The following KIF3A variants were observed in gnomAD, a reference collection of about 807,000 sequenced individuals.
KIF3A encodes the protein kinesin-like protein KIF3A.
A neutral mutation model predicts 92.6 loss-of-function variants in KIF3A; 27 were observed. The observed-to-expected ratio is 0.29, with a 90% CI of 0.21 to 0.40. The LOEUF (loss-of-function observed/expected upper bound fraction) is 0.40, where lower values mean the gene tolerates loss of function less well. Among genes scored for constraint, KIF3A ranks in the 10% least tolerant of loss-of-function variants. The pLI, the probability that KIF3A is intolerant of heterozygous loss-of-function variation, is 1.00. For synonymous variants in KIF3A, 250 were observed against 275.4 expected (o/e 0.91, Z 0.92); for missense variants, 581 against 872.6 (o/e 0.67, Z 4.21).
chr5:132,729,529 TA>T (rs900892180), intron 2 of KIF3A, among the ~76,000 whole-genome samples: 3 of 150,602 alleles, frequency 2.0e-5, no homozygotes, highest in African/African-American at 7.3e-5. Flanking sequence ...TTAATAAATT[TA>T]AAAACATTCA....
Position 132,694,539 on chromosome 5 carries a change from T to A in KIF3A, c.*2095A>T, listed in dbSNP as rs1752770770. 1 of 152,390 alleles carries A rather than the reference T, an allele frequency of 6.6e-6. No homozygotes were observed. Among genetic ancestry groups the A allele is most frequent in the Non-Finnish European group, 1.5e-5 (1 of 68,050 alleles). The allele number at this position is 152,390 out of a possible 1,614,324, so 9.4% of individuals were successfully genotyped here. A position where few individuals can be genotyped will look rare whatever the true frequency, so the allele number is the denominator to read the frequency against. On this transcript the variant is annotated 3_prime_UTR_variant, in exon 19 of 19. Transcript: ENST00000403231. ...AATATCTAACATACTGGCTTAAATT[T>A]CCATGTTTTAAAGCTTGATTTAAAA...
intron 4 of KIF3A, chr5:132,723,814 T>G (rs1342394852): frequency 6.6e-6 from 1 of 152,114 alleles, no homozygotes; most frequent in Non-Finnish European, 1.5e-5. Context: ...CTAATTAAAC[T>G]AAAGAGCTTC....
In KIF3A at chr5:132,702,230, A is replaced by C; in HGVS notation, c.1759-18T>G. ...TCAGCCATCTACCAGAAAATCCATA[A>C]AAATATTATGAACAAACAAGACTTT... is the stretch of plus-strand genomic sequence containing the variant. On this transcript the variant is annotated intron_variant, in intron 14 of 18. Coordinates refer to ENST00000403231, the MANE Select transcript of KIF3A (RefSeq NM_001300791.2). 6.2e-7 allele frequency: 1 copy of C among 1,612,008 alleles called. No homozygotes were observed.
intron 2 of KIF3A, among the ~76,000 whole-genome samples, chr5:132,727,012 C>T (rs1219486360): frequency 6.6e-6 from 1 of 152,188 alleles, no homozygotes; most frequent in Non-Finnish European, 1.5e-5. Context: ...AGACAATTTC[C>T]TTCAAGTGAC....
chr5:132,696,343 C>A lies in KIF3A; in HGVS notation c.*291G>T. ...TAAATAGCTAATCGATTTACACATA[C>A]ATCTAAACTGTAACTCTCTATAGTA... On this transcript the variant is annotated 3_prime_UTR_variant, in exon 19 of 19. Transcript: ENST00000403231. 1 of 233,112 alleles carries A rather than the reference C, an allele frequency of 4.3e-6. No individual in the cohort carries two copies. 14.4% of individuals were successfully genotyped at this position (233,112 alleles called of 1,614,324 possible). A position where few individuals can be genotyped will look rare whatever the true frequency, so the allele number is the denominator to read the frequency against.
intron 2 of KIF3A, among the ~76,000 whole-genome samples, chr5:132,728,008 T>G (rs1370644498): frequency 6.6e-6 from 1 of 152,192 alleles, no homozygotes; most frequent in Non-Finnish European, 1.5e-5. Context: ...AAAAAAGTCT[T>G]AATTTTTTCA....
At chr5:132,723,933 G>T (rs1430603114) in intron 4 of KIF3A, among the ~76,000 whole-genome samples, 1 of 152,004 alleles carries the variant, frequency 6.6e-6, no homozygotes, top group Non-Finnish European at 1.5e-5. Context: ...AATCTACAAA[G>T]AACTCAAACA....
intron 18 of KIF3A, among the ~76,000 whole-genome samples, chr5:132,698,668 G>A (rs1255191371): frequency 6.6e-6 from 1 of 151,742 alleles, no homozygotes; most frequent in Non-Finnish European, 1.5e-5. Flanking sequence ...CTAAGAAGTT[G>A]GAAGACCTTA....
chr5:132,688,824 A>G (rs142555057), downstream of KIF3A: 81 of 152,356 alleles, frequency 5.3e-4, no homozygotes, highest in African/African-American at 1.5e-3. Context: ...GACTCTGAGA[A>G]ATACTTTATT....
intron 15 of KIF3A, among the ~76,000 whole-genome samples, chr5:132,700,986 T>C (rs1238434267): frequency 6.6e-6 from 1 of 152,120 alleles, no homozygotes; most frequent in African/African-American, 2.4e-5. Context: ...AAGGGGAAAC[T>C]GGTTAGAAGT....
At chr5:132,737,286 G>A (rs544130202) in intron 1 of KIF3A, 128 bp downstream of exon 1, 9 of 1,070,490 alleles carry the variant, frequency 8.4e-6, no homozygotes, top group South Asian at 5.5e-5. Context: ...CACCTCCACC[G>A]CACGACCGAG....
In KIF3A at chr5:132,696,519, G is replaced by T. The variant is rs1752842459; in HGVS notation, c.*115C>A. The T allele has an allele frequency of 2.9e-6, 2 of 684,960 alleles. No homozygotes were observed. Among genetic ancestry groups the T allele is most frequent in the African/African-American group, 1.8e-5 (1 of 55,812 alleles). The allele number at this position is 684,960 out of a possible 1,614,324, so 42.4% of individuals were successfully genotyped here. ...ATTATTATTTCCAGTCTTATTCATT[G>T]ATCTACAACTTCCATTAATTGAAAT... On this transcript the variant is annotated 3_prime_UTR_variant, in exon 19 of 19. Transcript: ENST00000403231.
intron 5 of KIF3A, among the ~76,000 whole-genome samples, chr5:132,718,441 C>G (rs1753709236): frequency 6.6e-6 from 1 of 152,088 alleles, no homozygotes; most frequent in Non-Finnish European, 1.5e-5. Context: ...TCCTGAGTAG[C>G]TGAGATCACA....
At position 132,726,456 on chromosome 5, in the gene KIF3A, A is replaced by T; in HGVS notation, c.323T>A (p.Phe108Tyr). 6.2e-7 allele frequency: 1 copy of T among 1,613,806 alleles called. No individual in the cohort carries two copies. The highest frequency in any genetic ancestry group is 1.1e-5 in the South Asian group (1 of 91,054). The change falls in exon 3 of 19, where the codon TTT becomes TAT. Residue 108 changes from phenylalanine (F) to tyrosine (Y), a missense_variant. Around this residue, in one of 5 missense-constraint regions of KIF3A, gnomAD observed 217 missense variants for 299.7 expected, o/e 0.72. Coordinates refer to ENST00000403231, the MANE Select transcript of KIF3A (RefSeq NM_001300791.2). ...AATAGCTCGAACACCTTCCATGGTA[A>T]AAGTTTTGCCTGTTCCGGTTTGTCC... ...AYGQTGTGKT[F>Y]TMEGVRAIPE...
intron 5 of KIF3A, among the ~76,000 whole-genome samples, chr5:132,717,647 A>T (rs1202213549): frequency 6.6e-6 from 1 of 152,210 alleles, no homozygotes; most frequent in Non-Finnish European, 1.5e-5. Flanking sequence ...AAAAAAAAAA[A>T]ATCCATTCAA....
At chr5:132,717,431 A>G (rs960011367) in intron 5 of KIF3A, among the ~76,000 whole-genome samples, 11 of 152,166 alleles carry the variant, frequency 7.2e-5, no homozygotes, top group African/African-American at 2.7e-4. Flanking sequence ...TGGAGGTTGC[A>G]GTGAGCTGAG....
chr5:132,723,555 T>C (rs2149913634), intron 4 of KIF3A: 1 of 152,322 alleles, frequency 6.6e-6, no homozygotes, highest in African/African-American at 2.4e-5. Flanking sequence ...GGGGAAAGGA[T>C]TCCCTATTTA....
rs1752734055 is a variant in KIF3A, at chr5:132,693,650, T to A, written c.*2984A>T. ...CTATGACTGGAGCTAAATGAATAGC[T>A]CTGAAGTCAGTGTCCCATATTTGCA... On this transcript the variant is annotated 3_prime_UTR_variant, in exon 19 of 19. Transcript: ENST00000403231. 1 of 152,674 alleles carries A rather than the reference T, an allele frequency of 6.5e-6. No individual in the cohort carries two copies. The highest frequency in any genetic ancestry group is 2.1e-4 in the South Asian group (1 of 4,826). 9.5% of individuals were successfully genotyped at this position (152,674 alleles called of 1,614,324 possible).
At chr5:132,699,077 A>T in intron 18 of KIF3A, 94 bp downstream of exon 18, 1 of 1,236,904 alleles carries the variant, frequency 8.1e-7, no homozygotes, top group Middle Eastern at 1.9e-4. Context: ...AATATGTATC[A>T]TGTTTTAACT....
Sources: allele counts gnomAD v4.1 joint callset (sites outside exome capture counted in the v4.1 genomes callset), GRCh38; gene constraint gnomAD v4.1.1; regional missense constraint gnomAD v4.1.1; transcripts MANE v1.5; gene names NCBI Gene and HGNC (gene_info 2026-07-23, HGNC 2026-07-21).